Variants in PACSIN3 observed in about 807,000 individuals in gnomAD.
The protein encoded by PACSIN3 is protein kinase C and casein kinase substrate in neurons protein 3.
Under a neutral mutation model 56.1 loss-of-function variants are expected in PACSIN3, and 34 were observed. That is an observed-to-expected ratio of 0.61 (90% CI 0.46 to 0.81). PACSIN3 has a LOEUF of 0.81. Ranked by LOEUF, PACSIN3 falls within the 30% of genes least tolerant of loss-of-function variation. PACSIN3 has a pLI of 0.00. For synonymous variants in PACSIN3, 218 were observed against 229.8 expected, an observed-to-expected ratio of 0.95 and a Z score of 0.46; for missense variants, 535 against 592.4, an observed-to-expected ratio of 0.90 and a Z score of 1.01.
intron 1 of PACSIN3, among the ~76,000 whole-genome samples, chr11:47,184,842 C>CAGCAGGGAG (rs2135464541): frequency 6.6e-6 from 1 of 152,316 alleles, no homozygotes; most frequent in South Asian, 2.1e-4. Context: ...TTCCAGCCTC[C>CAGCAGGGAG]GAGTTCCCTG....
intron 4 of PACSIN3, among the ~76,000 whole-genome samples, chr11:47,182,179 A>G (rs1953037694): frequency 6.6e-6 from 1 of 152,040 alleles, no homozygotes; most frequent in South Asian, 2.1e-4. Context: ...GAAAATGGGT[A>G]AAACAACCAT....
At position 47,178,122 on chromosome 11, in the gene PACSIN3, G is replaced by A. The variant is rs1952923115; in HGVS notation, c.1160-76C>T. ...TCCTGCAACTGGGTCAAGGACTGAG[G>A]GGGATGGTGTGGTCCCAGAGCCCAG... On this transcript the variant is annotated intron_variant, in intron 10 of 10. Transcript: ENST00000298838. This position sits in a 1 kb window ranked among gnomAD's most constrained non-coding sequence, Gnocchi z 4.2. 1.5e-6 allele frequency: 2 copies of A among 1,362,006 alleles called. No homozygotes were observed. The highest frequency in any genetic ancestry group is 1.4e-5 in the African/African-American group (1 of 69,334). The allele number at this position is 1,362,006 out of a possible 1,614,324, so 84.4% of individuals were successfully genotyped here.
rs143875413 is a variant in PACSIN3 at position 47,177,936 on chromosome 11, C to T, written c.1270G>A (p.Ala424Thr). ...YPANYVECVG[A>T] is the part of the protein sequence containing the mutation. Reference sequence around the variant, plus strand: ...CAGAAGGGCTGTCAGGACACTCAGGCGCCCACACACTCCACGTAGTTGGCA... The same window carrying T: ...CAGAAGGGCTGTCAGGACACTCAGGTGCCCACACACTCCACGTAGTTGGCA... The change falls in exon 11 of 11, where the codon GCC becomes ACC. Residue 424 changes from alanine (A) to threonine (T), a missense_variant. Ala to Thr is a moderately conservative substitution (Grantham distance 58, BLOSUM62 0). Transcript: ENST00000298838. 409 of 1,611,648 alleles carry T rather than the reference C, an allele frequency of 2.5e-4. No individual in the cohort carries two copies. The highest frequency in any genetic ancestry group is 3.3e-4 in the Non-Finnish European group (392 of 1,177,882).
chr11:47,183,978 T>C (rs1248254040), intron 1 of PACSIN3, among the ~76,000 whole-genome samples: 2 of 151,380 alleles, frequency 1.3e-5, no homozygotes, highest in African/African-American at 2.4e-5. Flanking sequence ...TGAGCAGAGA[T>C]TATACCACCG....
chr11:47,181,263 A>G (rs1414015689), intron 4 of PACSIN3, among the ~76,000 whole-genome samples: 1 of 151,932 alleles, frequency 6.6e-6, no homozygotes, highest in African/African-American at 2.4e-5. Context: ...CTCTATCTCA[A>G]AAAAAAAGAA....
At position 47,182,691 on chromosome 11, in the gene PACSIN3, C is replaced by G; in HGVS notation, c.37G>C (p.Gly13Arg). 1 of 1,612,762 alleles carries G rather than the reference C, an allele frequency of 6.2e-7. No individual in the cohort carries two copies. The highest frequency in any genetic ancestry group is 2.2e-5 in the East Asian group (1 of 44,874). The change falls in exon 3 of 11, where the codon GGG becomes CGG. Residue 13 changes from glycine to arginine, a missense_variant. Gly to Arg is a moderately radical substitution (Grantham distance 125, BLOSUM62 -2). Coordinates refer to ENST00000298838, the MANE Select transcript of PACSIN3 (RefSeq NM_016223.5). ...PEEDAGGEAL[G>R]GSFWEAGNYR... is the part of the protein sequence containing the mutation. Reference sequence around the variant, plus strand: ...CTGCTCACCTCCCAGAAACTGCCCCCTAAGGCCTCCCCTCCAGCGTCCTCT... The same window carrying G: ...CTGCTCACCTCCCAGAAACTGCCCCGTAAGGCCTCCCCTCCAGCGTCCTCT...
In PACSIN3 at chr11:47,182,987, C is replaced by A. The variant is rs181181120; in HGVS notation, c.-38+17G>T. ...CCTCTCACTGCTCTGCACTTCCCCC[C>A]CCGCCCCCCCACATACCTGGGGCCT... On this transcript the variant is annotated intron_variant, in intron 2 of 10. Coordinates refer to ENST00000298838, the MANE Select transcript of PACSIN3 (RefSeq NM_016223.5). 1.5e-3 allele frequency: 626 copies of A among 427,792 alleles called. 1 individual carries two copies. The highest frequency in any genetic ancestry group is 5.3e-3 in the African/African-American group (260 of 48,906). The allele number at this position is 427,792 out of a possible 1,614,324, so 26.5% of individuals were successfully genotyped here. A position where few individuals can be genotyped will look rare whatever the true frequency, so the allele number is the denominator to read the frequency against.
chr11:47,180,704 C>A lies in PACSIN3; in HGVS notation c.212-14G>T. 1 of 1,584,650 alleles carries A rather than the reference C, an allele frequency of 6.3e-7. No homozygotes were observed. Among genetic ancestry groups the A allele is most frequent in the Non-Finnish European group, 8.5e-7 (1 of 1,170,848 alleles). On this transcript the variant is annotated splice_polypyrimidine_tract_variant and intron_variant, in intron 4 of 10. Coordinates refer to ENST00000298838, the MANE Select transcript of PACSIN3 (RefSeq NM_016223.5). ...CATACTGGGGGCCTGCAGGGAGGGA[C>A]AGGGCTTAGGCCAGGCCTGGGTACC...
rs754733654 is a variant in PACSIN3 at position 47,182,397 on chromosome 11, G to C, written c.211+6C>G. The C allele has an allele frequency of 5.0e-6, 8 of 1,593,172 alleles. No individual in the cohort carries two copies. Among genetic ancestry groups the C allele is most frequent in the Non-Finnish European group, 6.8e-6 (8 of 1,175,010 alleles). ...GCCCTCTGCCCCCTGCGAGGGCCTGGCTCACCCTTCTCCACGGTCCCCCTC... is the reference window on the plus strand; with the variant it reads ...GCCCTCTGCCCCCTGCGAGGGCCTGCCTCACCCTTCTCCACGGTCCCCCTC... On this transcript the variant is annotated splice_donor_region_variant and intron_variant, in intron 4 of 10. Transcript: ENST00000298838.
chr11:47,177,843 G>A lies in PACSIN3; in HGVS notation c.*88C>T, dbSNP rs1401402215. 7 of 1,013,924 alleles carry A rather than the reference G, an allele frequency of 6.9e-6. No homozygotes were observed. Among genetic ancestry groups the A allele is most frequent in the African/African-American group, 1.6e-5 (1 of 62,898 alleles). 62.8% of individuals were successfully genotyped at this position (1,013,924 alleles called of 1,614,324 possible). ...GACAGAGGAGCAGCCAGAGAGCGAC[G>A]GTTCAGGGCCCTGAGGGTCCGGCTC... On this transcript the variant is annotated 3_prime_UTR_variant, in exon 11 of 11. Coordinates refer to ENST00000298838, the MANE Select transcript of PACSIN3 (RefSeq NM_016223.5).
At position 47,178,006 on chromosome 11, in the gene PACSIN3, GCCCTGCTC is replaced by G; in HGVS notation, c.1192_1199del (p.Glu398LeufsTer65). ...CACTCTGCAACTGGCCTTGGCACCA[GCCCTGCTC>G]GTCCTCCTCACTCATCTTCAGCAGC... On this transcript the variant is annotated frameshift_variant, in exon 11 of 11. Transcript: ENST00000298838. LOFTEE classifies it high-confidence loss of function. The surrounding 1 kb of genome is among the most constrained non-coding windows in gnomAD (Gnocchi z 4.2). The G allele has an allele frequency of 6.2e-7, 1 of 1,614,060 alleles. No individual in the cohort carries two copies. The highest frequency in any genetic ancestry group is 8.5e-7 in the Non-Finnish European group (1 of 1,179,962).
intron 1 of PACSIN3, chr11:47,184,432 A>G (rs1198943635): frequency 6.6e-6 from 1 of 152,368 alleles, no homozygotes; most frequent in Admixed American, 6.5e-5. Flanking sequence ...TGTGGCTGAC[A>G]GGACAGTGTC....
rs552317834 is a variant in PACSIN3 at position 47,177,884 on chromosome 11, G to A, written c.*47C>T. On this transcript the variant is annotated 3_prime_UTR_variant, in exon 11 of 11. Coordinates refer to ENST00000298838, the MANE Select transcript of PACSIN3 (RefSeq NM_016223.5). Reference sequence around the variant, plus strand: ...GGTCCGGCTCTCCAGGAGAAGCTGGGCTCTGAACCAGGGTGGGTAAACGTT... The same window carrying A: ...GGTCCGGCTCTCCAGGAGAAGCTGGACTCTGAACCAGGGTGGGTAAACGTT... 24 of 1,436,526 alleles carry A rather than the reference G, an allele frequency of 1.7e-5. No individual in the cohort carries two copies. In the Admixed American group the frequency reaches 3.5e-4, roughly 21 times the overall value. The allele number at this position is 1,436,526 out of a possible 1,614,324, so 89.0% of individuals were successfully genotyped here. A position where few individuals can be genotyped will look rare whatever the true frequency, so the allele number is the denominator to read the frequency against.
At chr11:47,180,080 T>A in intron 6 of PACSIN3, 106 bp downstream of exon 6, 1 of 1,005,566 alleles carries the variant, frequency 9.9e-7, no homozygotes, top group Non-Finnish European at 1.5e-6. Context: ...AGGTGAGGAA[T>A]AGGGTAATAA....
chr11:47,180,046 A>G (rs1952984946), intron 6 of PACSIN3, 140 bp downstream of exon 6: 1 of 783,180 alleles, frequency 1.3e-6, no homozygotes, highest in African/African-American at 1.7e-5. Flanking sequence ...CCTCCTTTAA[A>G]TGATCATCTG....
chr11:47,181,285 G>A (rs1031139825), intron 4 of PACSIN3, among the ~76,000 whole-genome samples: 9 of 148,692 alleles, frequency 6.1e-5, no homozygotes, highest in African/African-American at 2.4e-4. Flanking sequence ...AAAAAGAGGA[G>A]CTGAGATTCA....
intron 1 of PACSIN3, among the ~76,000 whole-genome samples, chr11:47,183,573 C>T (rs895043324): frequency 3.9e-5 from 6 of 152,298 alleles, no homozygotes; most frequent in East Asian, 1.9e-4. Context: ...ACCAGAAATA[C>T]GAGGGGCCCT....
At position 47,186,412 on chromosome 11, in the gene PACSIN3, C is replaced by T. The variant is rs1052897940; in HGVS notation, c.-167G>A. On this transcript the variant is annotated 5_prime_UTR_variant, in exon 1 of 11. Transcript: ENST00000298838. The surrounding 1 kb of genome is among the most constrained non-coding windows in gnomAD (Gnocchi z 4.5). ...CCACGCTCCGGCCCGAGTCCTGCCG[C>T]TCCTGGGCCCGCGCCGCGGCCTCCC... is the stretch of plus-strand genomic sequence containing the variant. The T allele has an allele frequency of 4.0e-5, 6 of 151,160 alleles. No individual in the cohort carries two copies. The highest frequency in any genetic ancestry group is 1.5e-4 in the African/African-American group (6 of 41,304). 9.4% of individuals were successfully genotyped at this position (151,160 alleles called of 1,614,324 possible).
At chr11:47,181,829 G>C (rs1187263785) in intron 4 of PACSIN3, among the ~76,000 whole-genome samples, 1 of 151,244 alleles carries the variant, frequency 6.6e-6, no homozygotes, top group Non-Finnish European at 1.5e-5. Flanking sequence ...GACAGAGTGA[G>C]ACCCTGTCTC....
Sources: allele counts gnomAD v4.1 joint callset (sites outside exome capture counted in the v4.1 genomes callset), GRCh38; gene constraint gnomAD v4.1.1; non-coding constraint Gnocchi (gnomAD v3.1); transcripts MANE v1.5; gene names NCBI Gene and HGNC (gene_info 2026-07-23, HGNC 2026-07-21).